SLC38A6: variants seen among roughly 807,000 people sequenced by gnomAD.
SLC38A6 encodes N system amino acid transporter NAT-1.
Under a neutral mutation model 65.0 loss-of-function variants are expected in SLC38A6, and 73 were observed. That is an observed-to-expected ratio of 1.12 (90% CI 0.93 to 1.37). The LOEUF (loss-of-function observed/expected upper bound fraction) is 1.37, where lower values mean the gene tolerates loss of function less well. SLC38A6 is among the 40% of genes most tolerant of loss of function. The pLI is 0.00. For missense variants in SLC38A6, 561 were observed against 531.1 expected (o/e 1.06, Z -0.55); for synonymous variants, 183 against 178.8 (o/e 1.02, Z -0.19).
intron 3 of SLC38A6, among the ~76,000 whole-genome samples, chr14:60,999,517 A>G (rs959007536): frequency 6.6e-6 from 1 of 152,184 alleles, no homozygotes; most frequent in East Asian, 1.9e-4. Flanking sequence ...TGAAATTCCC[A>G]TAGGTATTAT....
At position 61,030,721 on chromosome 14, in the gene SLC38A6, G is replaced by T. The variant is rs1487831873; in HGVS notation, c.482+198G>T. 1.5e-5 allele frequency: 7 copies of T among 468,078 alleles called. No individual in the cohort carries two copies. In the South Asian group the frequency reaches 1.9e-4, roughly 13 times the overall value. 29.0% of individuals were successfully genotyped at this position (468,078 alleles called of 1,614,324 possible). A position where few individuals can be genotyped will look rare whatever the true frequency, so the allele number is the denominator to read the frequency against. On this transcript the variant is annotated intron_variant, in intron 6 of 15. Coordinates refer to ENST00000267488, the MANE Select transcript of SLC38A6 (RefSeq NM_153811.3). ...AATGTTTGATTACCCATATGAAAGCGCTGTTCTGTGAACCATATGAAGCAC... is the reference window on the plus strand; with the variant it reads ...AATGTTTGATTACCCATATGAAAGCTCTGTTCTGTGAACCATATGAAGCAC...
chr14:60,993,452 A>G (rs1458409968), intron 3 of SLC38A6, among the ~76,000 whole-genome samples: 3 of 152,206 alleles, frequency 2.0e-5, no homozygotes, highest in East Asian at 1.9e-4. Context: ...CTCAGCAATC[A>G]TAGATATTAG....
At chr14:61,013,601 A>G (rs953541093) in intron 3 of SLC38A6, among the ~76,000 whole-genome samples, 25 of 152,124 alleles carry the variant, frequency 1.6e-4, no homozygotes, top group African/African-American at 6.0e-4. Context: ...ATCTCTCAGC[A>G]TTTGCTTGTC....
Position 61,051,790 on chromosome 14 carries a change from A to G in SLC38A6, c.1054A>G (p.Arg352Gly). The G allele has an allele frequency of 6.2e-7, 1 of 1,611,696 alleles. No homozygotes were observed. The highest frequency in any genetic ancestry group is 8.5e-7 in the Non-Finnish European group (1 of 1,179,302). ...TGTTTATTTTTCTGTAATACAGGCC[A>G]GAAAAGCTGTAACAATGATGTTTTT... is the stretch of plus-strand genomic sequence containing the variant. ...LTVPLIHFPARKAVTMMFFSN... is the reference protein window; with the variant it reads ...LTVPLIHFPAGKAVTMMFFSN... Residue 352 changes from arginine (R) to glycine (G), a missense_variant, in exon 14 of 16, where the codon AGA becomes GGA. Transcript: ENST00000267488.
In SLC38A6 at chr14:61,050,632, T is replaced by C; in HGVS notation, c.1046T>C (p.Phe349Ser). The C allele has an allele frequency of 6.4e-7, 1 of 1,557,078 alleles. No individual in the cohort carries two copies. The highest frequency in any genetic ancestry group is 8.7e-7 in the Non-Finnish European group (1 of 1,144,622). The change falls in exon 13 of 16, where the codon TTC becomes TCC. Residue 349 changes from phenylalanine (F) to serine (S), a missense_variant. Coordinates refer to ENST00000267488, the MANE Select transcript of SLC38A6 (RefSeq NM_153811.3). ...CTTTTGACAGTCCCTCTAATCCACTTCCCTGTAAGTACTCTTAAAGGGTTT... is the reference window on the plus strand; with the variant it reads ...CTTTTGACAGTCCCTCTAATCCACTCCCCTGTAAGTACTCTTAAAGGGTTT... ...AVLLTVPLIH[F>S]PARKAVTMMF... is the part of the protein sequence containing the mutation.
In SLC38A6 at chr14:61,050,590, G is replaced by T; in HGVS notation, c.1004G>T (p.Cys335Phe). 2.5e-6 allele frequency: 4 copies of T among 1,598,142 alleles called. No homozygotes were observed. Among genetic ancestry groups the T allele is most frequent in the Non-Finnish European group, 3.4e-6 (4 of 1,169,408 alleles). ...HDVVVMTVKL[C>F]ILFAVLLTVP... ...GTTGTTGTCATGACTGTGAAGTTAT[G>T]CATACTATTTGCTGTGCTTTTGACA... The change falls in exon 13 of 16, where the codon TGC becomes TTC. Residue 335 changes from cysteine (C) to phenylalanine (F), a missense_variant. Coordinates refer to ENST00000267488, the MANE Select transcript of SLC38A6 (RefSeq NM_153811.3).
At chr14:61,021,160 T>C (rs1321895537) in intron 5 of SLC38A6, among the ~76,000 whole-genome samples, 1 of 152,168 alleles carries the variant, frequency 6.6e-6, no homozygotes, top group African/African-American at 2.4e-5. Flanking sequence ...TCATTTCTCT[T>C]TGTACTCCCA....
chr14:61,077,103 A>C (rs955967647), intron 15 of SLC38A6, among the ~76,000 whole-genome samples: 2 of 152,218 alleles, frequency 1.3e-5, no homozygotes, highest in Non-Finnish European at 2.9e-5. Flanking sequence ...TTATAAATTG[A>C]TTAAGGATAT....
At chr14:61,049,944 A>G (rs2042406171) in intron 12 of SLC38A6, among the ~76,000 whole-genome samples, 1 of 152,154 alleles carries the variant, frequency 6.6e-6, no homozygotes, top group Non-Finnish European at 1.5e-5. Flanking sequence ...TAAGTAAGAC[A>G]TTTCCCTAAC....
At chr14:61,014,029 C>T (rs571987959) in intron 3 of SLC38A6, among the ~76,000 whole-genome samples, 8 of 152,134 alleles carry the variant, frequency 5.3e-5, no homozygotes, top group South Asian at 2.1e-4. Context: ...ACCAATCAGA[C>T]GTAGATTTGG....
At chr14:60,986,391 G>A (rs1263344784) in intron 3 of SLC38A6, among the ~76,000 whole-genome samples, 1 of 152,162 alleles carries the variant, frequency 6.6e-6, no homozygotes, top group Admixed American at 6.5e-5. Flanking sequence ...CAGTGCTTTG[G>A]CCAGCCAGTG....
At chr14:60,990,369 T>C (rs2037772439) in intron 3 of SLC38A6, among the ~76,000 whole-genome samples, 1 of 152,158 alleles carries the variant, frequency 6.6e-6, no homozygotes, top group Admixed American at 6.5e-5. Flanking sequence ...CTGAAATTTA[T>C]ATCCCTGGCC....
chr14:61,064,089 C>A (rs370491089), intron 15 of SLC38A6, among the ~76,000 whole-genome samples: 8 of 152,070 alleles, frequency 5.3e-5, no homozygotes, highest in African/African-American at 1.9e-4. Context: ...GGGAACTGGC[C>A]CCAGGTGCAC....
At chr14:60,988,005 C>T (rs992264393) in intron 3 of SLC38A6, among the ~76,000 whole-genome samples, 3 of 152,202 alleles carry the variant, frequency 2.0e-5, no homozygotes, top group South Asian at 2.1e-4. Context: ...TTTCTGACCT[C>T]GTCTTCCACT....
intron 15 of SLC38A6, among the ~76,000 whole-genome samples, chr14:61,066,131 A>T (rs573609300): frequency 6.6e-6 from 1 of 152,162 alleles, no homozygotes; most frequent in Non-Finnish European, 1.5e-5. Context: ...GAATCTTTTT[A>T]TTGTACTGAG....
intron 4 of SLC38A6, among the ~76,000 whole-genome samples, chr14:61,017,022 C>T (rs1285971721): frequency 1.3e-5 from 2 of 152,008 alleles, no homozygotes; most frequent in Non-Finnish European, 2.9e-5. Flanking sequence ...ATTTACATTC[C>T]AGTTAACTTT....
intron 3 of SLC38A6, among the ~76,000 whole-genome samples, chr14:60,991,791 C>G (rs1413952773): frequency 2.6e-5 from 4 of 152,162 alleles, no homozygotes; most frequent in Admixed American, 1.3e-4. Flanking sequence ...ATCTACCTTT[C>G]TGTTCCATTA....
At chr14:61,019,463 T>C (rs2040223751) in intron 4 of SLC38A6, 78 bp from the exon 5 acceptor site, 3 of 1,464,444 alleles carry the variant, frequency 2.0e-6, no homozygotes, top group Non-Finnish European at 2.8e-6. Flanking sequence ...TTAGTAATAG[T>C]TACTGGATTT....
chr14:61,025,698 A>G lies in SLC38A6; in HGVS notation c.404-4747A>G, dbSNP rs539005398. On this transcript the variant is annotated intron_variant, in intron 5 of 15. Coordinates refer to ENST00000267488, the MANE Select transcript of SLC38A6 (RefSeq NM_153811.3). ...TTAAGATCCTGAAAATGATAAGACA[A>G]AGATATACATTTTTTTCTAGGGTCA... Among the ~76,000 whole-genome samples, 5 of 152,290 alleles carry G rather than the reference A, an allele frequency of 3.3e-5. No individual in the cohort carries two copies. In the South Asian group the frequency reaches 1.0e-3, roughly 32 times the overall value.
Sources: gnomAD v4.1 joint callset for allele counts (sites outside exome capture counted in the v4.1 genomes callset) on GRCh38, gnomAD v4.1.1 for gene constraint, MANE v1.5 for transcripts, NCBI Gene and HGNC (gene_info 2026-07-23, HGNC 2026-07-21) for gene names.